Variants in SNED1 observed in about 807,000 individuals in gnomAD.
The protein encoded by SNED1 is sushi, nidogen and EGF like domains 1, also known as sushi, nidogen and EGF-like domain-containing protein 1.
SNED1 carries 81 observed loss-of-function variants against 166.7 expected under a neutral mutation model. The observed-to-expected ratio is 0.49, with a 90% CI of 0.41 to 0.58. The LOEUF (loss-of-function observed/expected upper bound fraction) is 0.58. Among genes scored for constraint, SNED1 ranks in the 20% least tolerant of loss-of-function variants. The pLI, the probability that SNED1 is intolerant of heterozygous loss-of-function variation, is 0.00. For missense variants in SNED1, 1,604 were observed against 2,000.2 expected (o/e 0.80, Z 3.78); for synonymous variants, 762 against 822.0 (o/e 0.93, Z 1.25).
chr2:241,068,085 G>T lies in SNED1; in HGVS notation c.3194+138G>T, dbSNP rs2125219430. On this transcript the variant is annotated intron_variant, in intron 22 of 31. Coordinates refer to ENST00000310397, the MANE Select transcript of SNED1 (RefSeq NM_001080437.3). This position sits in a 1 kb window ranked among gnomAD's most constrained non-coding sequence, Gnocchi z 5.3. ...GCTCCTCACCTGAGCGGAGACAAAGGTCTCAGGTGAGCCAGCCTCAGACCC... is the reference window on the plus strand; with the variant it reads ...GCTCCTCACCTGAGCGGAGACAAAGTTCTCAGGTGAGCCAGCCTCAGACCC... The T allele has an allele frequency of 1.2e-6, 1 of 832,430 alleles. No individual in the cohort carries two copies. Among genetic ancestry groups the T allele is most frequent in the Admixed American group, 2.8e-5 (1 of 36,274 alleles). The allele number at this position is 832,430 out of a possible 1,614,324, so 51.6% of individuals were successfully genotyped here.
intron 1 of SNED1, among the ~76,000 whole-genome samples, chr2:241,007,692 CAT>C (rs1358054114): frequency 2.0e-5 from 3 of 152,204 alleles, no homozygotes; most frequent in Admixed American, 2.0e-4. Context: ...GTTACCATCT[CAT>C]ATGGGTCTCT....
intron 4 of SNED1, 75 bp from the exon 5 acceptor site, chr2:241,036,715 G>A: frequency 6.3e-7 from 1 of 1,578,610 alleles, no homozygotes; most frequent in South Asian, 1.1e-5. Context: ...AGGGAAGGGA[G>A]ATGCGGATGG....
intron 21 of SNED1, among the ~76,000 whole-genome samples, chr2:241,067,274 C>G (rs1270965207): frequency 6.6e-6 from 1 of 152,240 alleles, no homozygotes; most frequent in African/African-American, 2.4e-5. Context: ...TCGGAGGAGA[C>G]TGGCTGGGCG....
Position 241,008,301 on chromosome 2 carries a change from C to T in SNED1, c.213+9251C>T, listed in dbSNP as rs185175284. Among the ~76,000 whole-genome samples the T allele has an allele frequency of 3.2e-3, 494 of 152,342 alleles. 1 individual carries two copies. Among genetic ancestry groups the T allele is most frequent in the Non-Finnish European group, 5.9e-3 (399 of 68,004 alleles). On this transcript the variant is annotated intron_variant, in intron 1 of 31. Transcript: ENST00000310397. ...ACAGCCCCTCCCTCCGAGGGCTGCT[C>T]GTGGTGACCCGGGGCACTCCTAACT...
intron 27 of SNED1, among the ~76,000 whole-genome samples, chr2:241,080,833 G>A (rs530518543): frequency 5.6e-4 from 86 of 152,354 alleles, no homozygotes; most frequent in South Asian, 1.4e-3. Context: ...GAGCCTTCAC[G>A]CTGCCGTGCC....
At chr2:241,049,297 G>C (rs767298431) in intron 11 of SNED1, among the ~76,000 whole-genome samples, 162 bp downstream of exon 11, 21 of 152,206 alleles carry the variant, frequency 1.4e-4, no homozygotes, top group Non-Finnish European at 2.1e-4. Flanking sequence ...CCTGTAATAT[G>C]GGGCTAGACA....
chr2:241,050,523 C>T (rs2061804602), intron 12 of SNED1, among the ~76,000 whole-genome samples: 1 of 152,178 alleles, frequency 6.6e-6, no homozygotes, highest in Non-Finnish European at 1.5e-5. Context: ...CCCCAGGCAC[C>T]CCCGCAGCCT....
rs759435270 is a variant in SNED1 at position 241,037,816 on chromosome 2, C to T, written c.1045+463C>T. 1.8e-4 allele frequency among the ~76,000 whole-genome samples: 28 copies of T among 152,338 alleles called. No homozygotes were observed. In the Middle Eastern group the frequency reaches 0.014, roughly 74 times the overall value. ...CACAGCCACACGGTCCCTGCCGCTC[C>T]CTGCGGCTGCTCCTGGACGCTGTTT... On this transcript the variant is annotated intron_variant, in intron 6 of 31. Transcript: ENST00000310397.
intron 21 of SNED1, among the ~76,000 whole-genome samples, chr2:241,066,173 G>A (rs1337032981): frequency 6.6e-6 from 1 of 152,174 alleles, no homozygotes; most frequent in Non-Finnish European, 1.5e-5. Flanking sequence ...CTGAAGAGGG[G>A]GTCCTAGGAG....
chr2:241,065,024 G>A (rs563251796), intron 20 of SNED1, 67 bp downstream of exon 20: 67 of 1,227,110 alleles, frequency 5.5e-5, no homozygotes, highest in Admixed American at 8.0e-5. Flanking sequence ...AGGGCCCAAC[G>A]GTCTCCAAGG....
At chr2:241,007,831 G>A (rs913306326) in intron 1 of SNED1, among the ~76,000 whole-genome samples, 6 of 152,140 alleles carry the variant, frequency 3.9e-5, no homozygotes, top group African/African-American at 1.2e-4. Flanking sequence ...TGGTTTAACC[G>A]GCCGCTAGTT....
chr2:241,052,062 C>T lies in SNED1; in HGVS notation c.1874C>T (p.Ser625Phe). ...CEIGKPDSCASGPCHNGGTCF... is the reference protein window; with the variant it reads ...CEIGKPDSCAFGPCHNGGTCF... ...CCAGGGAAGCCAGACTCGTGTGCCT[C>T]TGGCCCCTGTCACAACGGCGGCACC... The change falls in exon 14 of 32, where the codon TCT becomes TTT. Residue 625 changes from serine (S) to phenylalanine (F), a missense_variant. Transcript: ENST00000310397. 1 of 1,613,896 alleles carries T rather than the reference C, an allele frequency of 6.2e-7. No individual in the cohort carries two copies. Among genetic ancestry groups the T allele is most frequent in the East Asian group, 2.2e-5 (1 of 44,868 alleles).
chr2:241,057,423 G>A (rs2062090917), intron 16 of SNED1, among the ~76,000 whole-genome samples: 1 of 127,174 alleles, frequency 7.9e-6, no homozygotes, highest in Non-Finnish European at 1.5e-5. Flanking sequence ...GCCATACGCA[G>A]TGGCTCACAC....
At chr2:241,048,947 CCATCCTTGA>C in intron 10 of SNED1, 66 bp from the exon 11 acceptor site, 1 of 1,385,726 alleles carries the variant, frequency 7.2e-7, no homozygotes, top group East Asian at 2.5e-5. Flanking sequence ...TTGGGAGGCC[CCATCCTTGA>C]CAAGGACTCG....
chr2:241,087,265 A>C (rs1432629178), intron 29 of SNED1, 127 bp from the exon 30 acceptor site: 2 of 734,954 alleles, frequency 2.7e-6, no homozygotes, highest in Admixed American at 3.1e-5. Context: ...GTCACGTTTC[A>C]TTCAGAAAAT....
At chr2:241,066,187 C>T (rs1055897996) in intron 21 of SNED1, among the ~76,000 whole-genome samples, 2 of 152,106 alleles carry the variant, frequency 1.3e-5, no homozygotes, top group Admixed American at 1.3e-4. Context: ...CTAGGAGGAG[C>T]CTCCTCAGAG....
At chr2:241,048,857 A>C in intron 10 of SNED1, 91 bp downstream of exon 10, 1 of 1,261,900 alleles carries the variant, frequency 7.9e-7, no homozygotes, top group East Asian at 2.5e-5. Flanking sequence ...CCGTAGGTCC[A>C]GACTGTCGAC....
rs1189181085 is a variant in SNED1, at chr2:241,069,542, T to C, written c.3308-378T>C. Among the ~76,000 whole-genome samples the C allele has an allele frequency of 6.6e-6, 1 of 152,166 alleles. No individual in the cohort carries two copies. The highest frequency in any genetic ancestry group is 2.4e-5 in the African/African-American group (1 of 41,440). On this transcript the variant is annotated intron_variant, in intron 23 of 31. Transcript: ENST00000310397. This position sits in a 1 kb window ranked among gnomAD's most constrained non-coding sequence, Gnocchi z 4.9. ...GCTTAAGCAGACCCCTGCCCACCTG[T>C]GCACTCAGATGCTGCCCGCCTGGCA...
chr2:241,067,997 G>A (rs1479304288), intron 22 of SNED1, 50 bp downstream of exon 22: 2 of 1,539,408 alleles, frequency 1.3e-6, no homozygotes, highest in East Asian at 2.3e-5. Flanking sequence ...CAGGGGTGGG[G>A]GCTCGGGGAC....
Sources: gnomAD v4.1 joint callset for allele counts (sites outside exome capture counted in the v4.1 genomes callset) on GRCh38, gnomAD v4.1.1 for gene constraint, Gnocchi (gnomAD v3.1) non-coding constraint, MANE v1.5 for transcripts, NCBI Gene and HGNC (gene_info 2026-07-23, HGNC 2026-07-21) for gene names.